ASAP1: variants seen among roughly 807,000 people sequenced by gnomAD.
ASAP1 encodes the protein arf-GAP with SH3 domain, ANK repeat and PH domain-containing protein 1.
Under a neutral mutation model 145.2 loss-of-function variants are expected in ASAP1, and 43 were observed. That is an observed-to-expected ratio of 0.30 (90% CI 0.23 to 0.38). The LOEUF is 0.38. Ranked by LOEUF, ASAP1 falls within the 10% of genes least tolerant of loss-of-function variation. The pLI is 1.00. For missense variants in ASAP1, 1,018 were observed against 1,355.3 expected, an observed-to-expected ratio of 0.75 and a Z score of 3.91; for synonymous variants, 546 against 515.5, an observed-to-expected ratio of 1.06 and a Z score of -0.80.
rs1204079564 is a variant in ASAP1 at position 130,358,705 on chromosome 8, C to T, written c.60-562G>A. ...GCGCGCCGCCCCCAGCCCCGCCCCC[C>T]CGGTCCCTCCCCGCCCGCGCCCCGC... On this transcript the variant is annotated intron_variant, in intron 2 of 29. Transcript: ENST00000518721. This position sits in a 1 kb window ranked among gnomAD's most constrained non-coding sequence, Gnocchi z 4.1. Among the ~76,000 whole-genome samples, 15 of 140,804 alleles carry T rather than the reference C, an allele frequency of 1.1e-4. No homozygotes were observed. Among genetic ancestry groups the T allele is most frequent in the African/African-American group, 3.3e-4 (13 of 39,102 alleles). The allele number at this position is 140,804 out of a possible 152,430, so 92.4% of individuals were successfully genotyped here.
chr8:130,099,877 T>C (rs960056455), intron 24 of ASAP1, among the ~76,000 whole-genome samples: 2 of 152,086 alleles, frequency 1.3e-5, no homozygotes, highest in African/African-American at 4.8e-5. Context: ...TAATATTCCA[T>C]ATGTATATAT....
intron 3 of ASAP1, among the ~76,000 whole-genome samples, chr8:130,354,814 C>T (rs1290004574): frequency 6.6e-6 from 1 of 152,208 alleles, no homozygotes; most frequent in African/African-American, 2.4e-5. Context: ...AACCGTGAAC[C>T]CCTGAGCCAT....
chr8:130,407,098 G>A (rs541552276), intron 1 of ASAP1, among the ~76,000 whole-genome samples: 2 of 152,270 alleles, frequency 1.3e-5, no homozygotes, highest in South Asian at 2.1e-4. Flanking sequence ...AAAAATGGTT[G>A]GCTCCCCGTA....
intron 3 of ASAP1, among the ~76,000 whole-genome samples, chr8:130,290,214 T>C (rs1821865028): frequency 6.6e-6 from 1 of 152,214 alleles, no homozygotes; most frequent in African/African-American, 2.4e-5. Flanking sequence ...CCCTCTGCAC[T>C]TCTCTTAAGG....
chr8:130,430,681 A>G (rs1019731447), intron 1 of ASAP1, among the ~76,000 whole-genome samples: 4 of 152,208 alleles, frequency 2.6e-5, no homozygotes, highest in Non-Finnish European at 5.9e-5. Flanking sequence ...GAAACCACCC[A>G]GAACACTGAC....
intron 5 of ASAP1, among the ~76,000 whole-genome samples, chr8:130,193,490 G>C (rs1268520387): frequency 2.0e-5 from 3 of 152,174 alleles, no homozygotes; most frequent in African/African-American, 7.2e-5. Context: ...TGGAAACTGG[G>C]CAAAGAAATA....
rs79704611 is a variant in ASAP1, at chr8:130,333,212, C to T, written c.186+24805G>A. ...GTCCAAATCAGTTGGATTTAAAAGG[C>T]TATTTTATAAAGAATTATAAACCAA... On this transcript the variant is annotated intron_variant, in intron 3 of 29. Transcript: ENST00000518721. Among the ~76,000 whole-genome samples the T allele has an allele frequency of 1.3e-3, 201 of 152,306 alleles. 1 individual carries two copies. The highest frequency in any genetic ancestry group is 4.6e-3 in the African/African-American group (193 of 41,566).
chr8:130,293,926 G>C (rs1412062085), intron 3 of ASAP1, among the ~76,000 whole-genome samples: 1 of 152,212 alleles, frequency 6.6e-6, no homozygotes, highest in Non-Finnish European at 1.5e-5. Context: ...GAATAAAACA[G>C]ACTTTCCTCC....
intron 3 of ASAP1, among the ~76,000 whole-genome samples, chr8:130,329,559 A>G (rs757001166): frequency 2.6e-5 from 4 of 152,238 alleles, no homozygotes; most frequent in Admixed American, 2.6e-4. Flanking sequence ...CAACTCGCTC[A>G]GAGTTCCACA....
At chr8:130,245,660 T>A (rs1165564754) in intron 3 of ASAP1, among the ~76,000 whole-genome samples, 1 of 152,170 alleles carries the variant, frequency 6.6e-6, no homozygotes, top group Admixed American at 6.5e-5. Context: ...CTGTTAGGTG[T>A]GTATACGTTT....
chr8:130,205,326 T>C (rs1179782862), intron 5 of ASAP1, among the ~76,000 whole-genome samples: 1 of 151,186 alleles, frequency 6.6e-6, no homozygotes, highest in East Asian at 1.9e-4. Context: ...TGCAATCCTA[T>C]TTAAAATGTA....
At chr8:130,162,544 C>T (rs188874462) in intron 11 of ASAP1, among the ~76,000 whole-genome samples, 30 of 152,182 alleles carry the variant, frequency 2.0e-4, no homozygotes, top group African/African-American at 6.3e-4. Context: ...CATGGCCAGG[C>T]GCAGTGGCTC....
At chr8:130,190,934 A>G (rs1815092744) in intron 5 of ASAP1, among the ~76,000 whole-genome samples, 1 of 152,164 alleles carries the variant, frequency 6.6e-6, no homozygotes, top group African/African-American at 2.4e-5. Context: ...TCACTAGTAC[A>G]TAACCTCGAT....
intron 13 of ASAP1, among the ~76,000 whole-genome samples, chr8:130,138,912 T>G (rs769907998): frequency 1.6e-4 from 24 of 151,982 alleles, no homozygotes; most frequent in Non-Finnish European, 2.4e-4. Context: ...TCAGAATCTG[T>G]AGCCACGAAG....
intron 25 of ASAP1, chr8:130,082,964 G>A (rs542180474): frequency 6.6e-6 from 1 of 152,150 alleles, no homozygotes; most frequent in African/African-American, 2.4e-5. Flanking sequence ...AAAACGTCAA[G>A]GAAAATTTTA....
At position 130,323,059 on chromosome 8, in the gene ASAP1, G is replaced by A. The variant is rs139406314; in HGVS notation, c.186+34958C>T. ...GAAATTATCGTGCATCTGCTGGAGT[G>A]AAGACAGTGCTCCAGTCATTACAGA... On this transcript the variant is annotated intron_variant, in intron 3 of 29. Coordinates refer to ENST00000518721, the MANE Select transcript of ASAP1 (RefSeq NM_018482.4). 3.6e-3 allele frequency among the ~76,000 whole-genome samples: 553 copies of A among 152,344 alleles called. 1 individual carries two copies. Among genetic ancestry groups the A allele is most frequent in the Non-Finnish European group, 5.5e-3 (375 of 68,038 alleles).
At chr8:130,319,930 T>A (rs970915358) in intron 3 of ASAP1, among the ~76,000 whole-genome samples, 5 of 152,342 alleles carry the variant, frequency 3.3e-5, no homozygotes, top group African/African-American at 1.2e-4. Context: ...CTTCATACAA[T>A]TATTTACATG....
chr8:130,398,847 C>A (rs902181528), intron 2 of ASAP1, among the ~76,000 whole-genome samples: 1 of 152,238 alleles, frequency 6.6e-6, no homozygotes, highest in Non-Finnish European at 1.5e-5. Flanking sequence ...AGCAGGCTGG[C>A]TGCAGAGCCT....
At chr8:130,407,174 C>T (rs1485914557) in intron 1 of ASAP1, among the ~76,000 whole-genome samples, 4 of 152,202 alleles carry the variant, frequency 2.6e-5, no homozygotes, top group African/African-American at 9.7e-5. Flanking sequence ...ATCCCCATAC[C>T]TATCCTAGAA....
Sources: gnomAD v4.1 joint callset for allele counts (sites outside exome capture counted in the v4.1 genomes callset) on GRCh38, gnomAD v4.1.1 for gene constraint, Gnocchi (gnomAD v3.1) non-coding constraint, MANE v1.5 for transcripts, NCBI Gene and HGNC (gene_info 2026-07-23, HGNC 2026-07-21) for gene names.